The following CELF2 variants were observed in gnomAD, a reference collection of about 807,000 sequenced individuals.
CELF2 encodes CUG triplet repeat RNA-binding protein 2.
A neutral mutation model predicts 62.6 loss-of-function variants in CELF2; 8 were observed. The ratio of observed to expected loss-of-function variants is 0.13; its 90% CI spans 0.07 to 0.23. The LOEUF is 0.23. CELF2 is among the 10% of genes least tolerant of loss of function. The pLI is 1.00. For synonymous variants in CELF2, 258 were observed against 250.0 expected, an observed-to-expected ratio of 1.03 and a Z score of -0.30; for missense variants, 333 against 671.0, an observed-to-expected ratio of 0.50 and a Z score of 5.56.
chr10:10,865,327 C>G (rs1024671040), intron 1 of CELF2, among the ~76,000 whole-genome samples: 4 of 152,160 alleles, frequency 2.6e-5, no homozygotes, highest in Admixed American at 2.6e-4. Context: ...AGTGCTTTTT[C>G]TTCTCGCAAA....
intron 2 of CELF2, among the ~76,000 whole-genome samples, chr10:10,956,951 A>C (rs2048973727): frequency 6.6e-6 from 1 of 151,874 alleles, no homozygotes; most frequent in South Asian, 2.1e-4. Context: ...AAAAAAAAGA[A>C]AAAAAAGTGA....
chr10:10,584,218 A>C, the CELF2 span, among the ~76,000 whole-genome samples: 5 of 152,230 alleles, frequency 3.3e-5, no homozygotes, highest in East Asian at 9.6e-4. Flanking sequence ...AAAGGAGCTT[A>C]ATTGAGCAAT....
At chr10:10,821,948 G>C (rs1370186978) in intron 1 of CELF2, among the ~76,000 whole-genome samples, 1 of 152,192 alleles carries the variant, frequency 6.6e-6, no homozygotes, top group African/African-American at 2.4e-5. Flanking sequence ...TTTATTAAAA[G>C]ACAAGGATGA....
At chr10:10,472,221 G>C in the CELF2 span, among the ~76,000 whole-genome samples, 2 of 151,580 alleles carry the variant, frequency 1.3e-5, no homozygotes, top group African/African-American at 2.4e-5. Context: ...TTGCATATTG[G>C]ATAGCCTGAG....
intron 1 of CELF2, among the ~76,000 whole-genome samples, chr10:11,020,471 CTAAGTTG>C (rs1288606625): frequency 1.3e-5 from 2 of 152,036 alleles, no homozygotes; most frequent in Non-Finnish European, 2.9e-5. Flanking sequence ...TGAAATCCGC[CTAAGTTG>C]TAAGTTTTAT....
rs1338542670 is a variant in CELF2 at position 10,997,132 on chromosome 10, C to T, written c.89+77133C>T. ...GGAATAGTGATGCCCATCCCTTCCA[C>T]GTACTGCATGTGTCAGCTTGGGCCG... On this transcript the variant is annotated intron_variant, in intron 2 of 13. Transcript: ENST00000636488. The surrounding 1 kb of genome is among the most constrained non-coding windows in gnomAD (Gnocchi z 5.3). Among the ~76,000 whole-genome samples, 1 of 152,162 alleles carries T rather than the reference C, an allele frequency of 6.6e-6. No homozygotes were observed. Among genetic ancestry groups the T allele is most frequent in the Non-Finnish European group, 1.5e-5 (1 of 68,026 alleles).
chr10:11,206,272 T>C (rs1286048054), intron 2 of CELF2, among the ~76,000 whole-genome samples: 1 of 152,202 alleles, frequency 6.6e-6, no homozygotes, highest in Non-Finnish European at 1.5e-5. Flanking sequence ...AAGCATCTAA[T>C]AGCCCAGCTT....
At chr10:10,802,237 C>T (rs999491552) in intron 1 of CELF2, among the ~76,000 whole-genome samples, 14 of 152,204 alleles carry the variant, frequency 9.2e-5, no homozygotes, top group East Asian at 5.8e-4. Flanking sequence ...TTTGGGACAC[C>T]GAGGCAGGCG....
chr10:11,184,419 G>A (rs2074292085), intron 2 of CELF2, among the ~76,000 whole-genome samples: 1 of 152,106 alleles, frequency 6.6e-6, no homozygotes, highest in Admixed American at 6.5e-5. Context: ...GGATCATTTG[G>A]GCAGTTTTTA....
chr10:11,313,045 CCTGT>C (rs1245931173), intron 9 of CELF2, among the ~76,000 whole-genome samples: 1 of 152,192 alleles, frequency 6.6e-6, no homozygotes, highest in East Asian at 1.9e-4. Flanking sequence ...TGTTTTTAAA[CCTGT>C]CTGTGTATTA....
the CELF2 span, among the ~76,000 whole-genome samples, chr10:10,503,807 T>C: frequency 6.6e-6 from 1 of 151,976 alleles, no homozygotes; most frequent in African/African-American, 2.4e-5. Flanking sequence ...TGCATTTCTG[T>C]TTTCTTTTTC....
intron 8 of CELF2, among the ~76,000 whole-genome samples, chr10:11,277,322 T>C (rs2086514042): frequency 6.6e-6 from 1 of 152,208 alleles, no homozygotes; most frequent in East Asian, 1.9e-4. Flanking sequence ...GAATGGGCGA[T>C]AGAGGTTCCT....
At chr10:10,963,672 A>T (rs1564274741) in intron 2 of CELF2, among the ~76,000 whole-genome samples, 1 of 152,234 alleles carries the variant, frequency 6.6e-6, no homozygotes, top group Non-Finnish European at 1.5e-5. Flanking sequence ...ATATAAAATG[A>T]TAAAGCAGCC....
the CELF2 span, among the ~76,000 whole-genome samples, chr10:10,749,019 G>A: frequency 6.6e-6 from 1 of 152,172 alleles, no homozygotes; most frequent in Non-Finnish European, 1.5e-5. Context: ...ACTGAGATCG[G>A]GAGAAGGGAG....
At chr10:10,664,206 T>C in the CELF2 span, among the ~76,000 whole-genome samples, 1 of 152,268 alleles carries the variant, frequency 6.6e-6, no homozygotes, top group Non-Finnish European at 1.5e-5. Context: ...ATCAATATAA[T>C]AATGGTTATA....
chr10:11,078,259 C>G (rs2762548), intron 1 of CELF2, among the ~76,000 whole-genome samples: 49,619 of 151,422 alleles, frequency 0.33, 8,884 homozygotes, highest in African/African-American at 0.44. Flanking sequence ...TGGTGGGGGG[C>G]GGAATGTATG....
chr10:10,779,206 T>C, the CELF2 span, among the ~76,000 whole-genome samples: 3 of 152,200 alleles, frequency 2.0e-5, no homozygotes, highest in Non-Finnish European at 4.4e-5. Context: ...TGTAACAGCG[T>C]ATCTCCAAGG....
chr10:11,018,261 G>T lies in CELF2; in HGVS notation c.74+98G>T. On this transcript the variant is annotated intron_variant, in intron 1 of 12. Transcript: ENST00000633077. ...GGCGTCGCCCGCAGCTCCCGGGCGC[G>T]ACTCGGCCGCTTCGGATCCGTCGCC... 5 of 1,036,586 alleles carry T rather than the reference G, an allele frequency of 4.8e-6. No homozygotes were observed. In the South Asian group the frequency reaches 5.2e-5, roughly 11 times the overall value. 64.2% of individuals were successfully genotyped at this position (1,036,586 alleles called of 1,614,324 possible). A position where few individuals can be genotyped will look rare whatever the true frequency, so the allele number is the denominator to read the frequency against.
chr10:11,201,411 TTGTG>T (rs375374480), intron 2 of CELF2, among the ~76,000 whole-genome samples: 1 of 152,012 alleles, frequency 6.6e-6, no homozygotes, highest in African/African-American at 2.4e-5. Context: ...TCTTTGGTTT[TTGTG>T]TGTGTGTGTG....
Sources: gnomAD v4.1 joint callset for allele counts (sites outside exome capture counted in the v4.1 genomes callset) on GRCh38, gnomAD v4.1.1 for gene constraint, Gnocchi (gnomAD v3.1) non-coding constraint, MANE v1.5 for transcripts, NCBI Gene and HGNC (gene_info 2026-07-23, HGNC 2026-07-21) for gene names.